The following PLCB1 variants were observed in gnomAD, a reference collection of about 807,000 sequenced individuals.
PLCB1 encodes 1-phosphatidylinositol 4,5-bisphosphate phosphodiesterase beta-1.
In PLCB1, 46 loss-of-function variants were observed where a neutral mutation model predicts 161.8. The observed-to-expected ratio is 0.28, with a 90% CI of 0.22 to 0.36. PLCB1 has a LOEUF of 0.36. PLCB1 is among the 10% of genes least tolerant of loss of function. PLCB1 has a pLI of 1.00. For missense variants in PLCB1, 1,016 were observed against 1,472.5 expected, an observed-to-expected ratio of 0.69 and a Z score of 5.07; for synonymous variants, 517 against 503.7, an observed-to-expected ratio of 1.03 and a Z score of -0.35.
chr20:8,487,473 C>T (rs750535261), intron 3 of PLCB1, among the ~76,000 whole-genome samples: 2 of 152,160 alleles, frequency 1.3e-5, no homozygotes, highest in African/African-American at 2.4e-5. Context: ...CCAGCATTTG[C>T]TTTGCAACAA....
chr20:8,172,164 G>A (rs528362272), intron 2 of PLCB1, among the ~76,000 whole-genome samples: 1 of 152,124 alleles, frequency 6.6e-6, no homozygotes, highest in Non-Finnish European at 1.5e-5. Context: ...CTCTGTGTCA[G>A]ATATATTATA....
At chr20:8,779,430 A>T (rs1600320521) in intron 27 of PLCB1, among the ~76,000 whole-genome samples, 1 of 147,036 alleles carries the variant, frequency 6.8e-6, no homozygotes, top group East Asian at 2.1e-4. Context: ...CACCTAGAGG[A>T]TATTTTTGAT....
At chr20:8,555,356 G>A (rs1354087293) in intron 3 of PLCB1, among the ~76,000 whole-genome samples, 3 of 151,928 alleles carry the variant, frequency 2.0e-5, no homozygotes, top group South Asian at 2.1e-4. Flanking sequence ...ACAAAAAGTA[G>A]ATACACACTC....
At chr20:8,701,299 T>A (rs999853985) in intron 11 of PLCB1, among the ~76,000 whole-genome samples, 1 of 152,198 alleles carries the variant, frequency 6.6e-6, no homozygotes, top group Non-Finnish European at 1.5e-5. Context: ...CTGACCTTGC[T>A]GTTCATGGGC....
intron 3 of PLCB1, among the ~76,000 whole-genome samples, chr20:8,482,553 T>A (rs1982550013): frequency 6.6e-6 from 1 of 152,206 alleles, no homozygotes; most frequent in Non-Finnish European, 1.5e-5. Flanking sequence ...TATAGTCCCC[T>A]CTTTATTGAA....
intron 3 of PLCB1, among the ~76,000 whole-genome samples, chr20:8,431,770 G>T (rs1980052523): frequency 6.6e-6 from 1 of 152,144 alleles, no homozygotes; most frequent in African/African-American, 2.4e-5. Context: ...GAGTTTTTAT[G>T]TGAGAATCTT....
At chr20:8,744,414 A>T (rs1266965838) in intron 23 of PLCB1, among the ~76,000 whole-genome samples, 2 of 151,994 alleles carry the variant, frequency 1.3e-5, no homozygotes, top group Admixed American at 1.3e-4. Flanking sequence ...TGTCTGACTC[A>T]CATGTTCTTG....
intron 2 of PLCB1, among the ~76,000 whole-genome samples, chr20:8,287,431 A>G (rs1483736028): frequency 6.6e-6 from 1 of 152,132 alleles, no homozygotes; most frequent in African/African-American, 2.4e-5. Context: ...GCCACCCCCA[A>G]TACCTCATCT....
intron 31 of PLCB1, among the ~76,000 whole-genome samples, chr20:8,795,028 G>A (rs1983948492): frequency 6.6e-6 from 1 of 152,196 alleles, no homozygotes; most frequent in South Asian, 2.1e-4. Context: ...TGCAATAGCA[G>A]TCATAGGAGA....
At chr20:8,781,001 A>G (rs1186655489) in intron 27 of PLCB1, among the ~76,000 whole-genome samples, 4 of 152,230 alleles carry the variant, frequency 2.6e-5, no homozygotes, top group Admixed American at 1.3e-4. Flanking sequence ...ACAGTTTTTT[A>G]TATCTTGCTA....
At chr20:8,199,930 G>C (rs1241930492) in intron 2 of PLCB1, among the ~76,000 whole-genome samples, 1 of 152,080 alleles carries the variant, frequency 6.6e-6, no homozygotes, top group East Asian at 1.9e-4. Context: ...GCATACTTAG[G>C]CACAGAGAGG....
At chr20:8,475,878 A>G (rs776208988) in intron 3 of PLCB1, among the ~76,000 whole-genome samples, 1 of 152,228 alleles carries the variant, frequency 6.6e-6, no homozygotes, top group Non-Finnish European at 1.5e-5. Flanking sequence ...ACTTCCAATC[A>G]TGCACATGGC....
At chr20:8,703,625 C>G (rs986258) in intron 11 of PLCB1, among the ~76,000 whole-genome samples, 1 of 152,108 alleles carries the variant, frequency 6.6e-6, no homozygotes, top group Non-Finnish European at 1.5e-5. Flanking sequence ...AACATGAGTC[C>G]TAAGCCAAGC....
chr20:8,482,072 T>C (rs919177880), intron 3 of PLCB1, among the ~76,000 whole-genome samples: 2 of 151,688 alleles, frequency 1.3e-5, no homozygotes, highest in Non-Finnish European at 2.9e-5. Context: ...TATAGTTCAA[T>C]TTATTTTGTG....
chr20:8,454,628 T>G (rs975511108), intron 3 of PLCB1, among the ~76,000 whole-genome samples: 2 of 152,034 alleles, frequency 1.3e-5, no homozygotes, highest in Non-Finnish European at 2.9e-5. Context: ...AGTGATGGTG[T>G]TTTTGTGGAG....
intron 2 of PLCB1, among the ~76,000 whole-genome samples, chr20:8,159,433 A>G (rs1409274092): frequency 6.6e-6 from 1 of 152,110 alleles, no homozygotes; most frequent in Non-Finnish European, 1.5e-5. Context: ...CTCTGGGCCT[A>G]TGATGGGAGG....
chr20:8,524,423 A>G (rs111690221), intron 3 of PLCB1, among the ~76,000 whole-genome samples: 33 of 152,220 alleles, frequency 2.2e-4, no homozygotes, highest in African/African-American at 7.5e-4. Flanking sequence ...ATTGTTTTTA[A>G]TAACTTCGTT....
chr20:8,824,697 A>G (rs1487833033), intron 31 of PLCB1, among the ~76,000 whole-genome samples: 2 of 152,224 alleles, frequency 1.3e-5, no homozygotes, highest in Non-Finnish European at 2.9e-5. Context: ...TTCATAAATT[A>G]TAATTATAAG....
intron 3 of PLCB1, among the ~76,000 whole-genome samples, chr20:8,452,993 ATTTATT>A (rs1438963727): frequency 6.6e-6 from 1 of 152,158 alleles, no homozygotes; most frequent in Non-Finnish European, 1.5e-5. Context: ...TTTCTCCTCT[ATTTATT>A]TTAAACGTAG....
Sources: gnomAD v4.1 joint callset for allele counts (sites outside exome capture counted in the v4.1 genomes callset) on GRCh38, gnomAD v4.1.1 for gene constraint, MANE v1.5 for transcripts, NCBI Gene and HGNC (gene_info 2026-07-23, HGNC 2026-07-21) for gene names.